Variants in RAB3B observed in about 807,000 individuals in gnomAD.
RAB3B encodes the protein ras-related protein Rab-3B.
RAB3B carries 11 observed loss-of-function variants against 20.5 expected under a neutral mutation model. The ratio of observed to expected loss-of-function variants is 0.54; its 90% CI spans 0.34 to 0.89. The LOEUF is 0.89. Ranked by LOEUF, RAB3B falls within the 40% of genes least tolerant of loss-of-function variation. RAB3B has a pLI of 0.02. For missense variants in RAB3B, 225 were observed against 280.9 expected, an observed-to-expected ratio of 0.80 and a Z score of 1.42; for synonymous variants, 99 against 106.3, an observed-to-expected ratio of 0.93 and a Z score of 0.42.
chr1:51,981,024 TTTTTATTTTA>T (rs950916409), intron 1 of RAB3B, among the ~76,000 whole-genome samples: 2 of 152,154 alleles, frequency 1.3e-5, no homozygotes, highest in Non-Finnish European at 2.9e-5. Context: ...ATTATTATTA[TTTTTATTTTA>T]TTTTATTTTA....
At chr1:51,921,536 T>C (rs1684172299) in intron 4 of RAB3B, among the ~76,000 whole-genome samples, 1 of 152,112 alleles carries the variant, frequency 6.6e-6, no homozygotes, top group Non-Finnish European at 1.5e-5. Flanking sequence ...TTTTTCCTGA[T>C]TATACCTTTT....
At chr1:51,989,086 C>T (rs1278504935) in intron 1 of RAB3B, among the ~76,000 whole-genome samples, 1 of 139,968 alleles carries the variant, frequency 7.1e-6, no homozygotes, top group African/African-American at 2.6e-5. Flanking sequence ...AACAGGTGGA[C>T]ACCCACCTGT....
rs1179893017 is a variant in RAB3B at position 51,937,538 on chromosome 1, C to T, written c.229-126G>A. The T allele has an allele frequency of 8.4e-5, 47 of 561,846 alleles. No homozygotes were observed. In the Admixed American group the frequency reaches 1.4e-3, roughly 17 times the overall value. The allele number at this position is 561,846 out of a possible 1,614,324, so 34.8% of individuals were successfully genotyped here. ...TTGAGATGGAGTTTTGCTCTTGTTG[C>T]CCAGGCTGGAGTGCCATGGCGCGAT... On this transcript the variant is annotated intron_variant, in intron 2 of 4. Coordinates refer to ENST00000371655, the MANE Select transcript of RAB3B (RefSeq NM_002867.4).
At chr1:51,954,704 A>T (rs998233044) in intron 2 of RAB3B, among the ~76,000 whole-genome samples, 6 of 152,250 alleles carry the variant, frequency 3.9e-5, no homozygotes, top group African/African-American at 1.4e-4. Context: ...GAAACAGCAC[A>T]GCATCTGGGG....
At chr1:51,980,084 A>G (rs901463281) in intron 1 of RAB3B, among the ~76,000 whole-genome samples, 11 of 151,938 alleles carry the variant, frequency 7.2e-5, no homozygotes, top group African/African-American at 2.7e-4. Context: ...CTCAGAAACT[A>G]TGGCTGTTAA....
chr1:51,953,634 C>G (rs959630487), intron 2 of RAB3B, among the ~76,000 whole-genome samples: 2 of 152,138 alleles, frequency 1.3e-5, no homozygotes, highest in African/African-American at 4.8e-5. Flanking sequence ...TAACACGTCT[C>G]TACTAAAAAT....
Position 51,962,479 on chromosome 1 carries a change from C to A in RAB3B, c.228+14411G>T, listed in dbSNP as rs113918760. 9.2e-3 allele frequency among the ~76,000 whole-genome samples: 1,399 copies of A among 152,348 alleles called. 9 individuals are homozygous for A. Among genetic ancestry groups the A allele is most frequent in the South Asian group, 0.029 (140 of 4,832 alleles). ...AAAAGGAAGCAGGGATCCTCCCACACACGCCACACAACCACTGTCTGTCCT... is the reference window on the plus strand; with the variant it reads ...AAAAGGAAGCAGGGATCCTCCCACAAACGCCACACAACCACTGTCTGTCCT... On this transcript the variant is annotated intron_variant, in intron 2 of 4. Coordinates refer to ENST00000371655, the MANE Select transcript of RAB3B (RefSeq NM_002867.4).
chr1:51,985,288 T>C (rs4282748), intron 1 of RAB3B, among the ~76,000 whole-genome samples: 1 of 152,192 alleles, frequency 6.6e-6, no homozygotes, highest in East Asian at 1.9e-4. Context: ...AATTAACTGT[T>C]TGCTCTCTCT....
At position 51,982,523 on chromosome 1, in the gene RAB3B, C is replaced by T. The variant is rs1305729894; in HGVS notation, c.1-5406G>A. On this transcript the variant is annotated intron_variant, in intron 1 of 4. Coordinates refer to ENST00000371655, the MANE Select transcript of RAB3B (RefSeq NM_002867.4). ...AACCCCAGACTTTGGGAGGCCGAGG[C>T]AGGCAGATCACTTAAGGTCAGGAGT... Among the ~76,000 whole-genome samples, 5 of 152,158 alleles carry T rather than the reference C, an allele frequency of 3.3e-5. No individual in the cohort carries two copies. The East Asian group carries it at 9.7e-4, about 29-fold the overall frequency.
intron 3 of RAB3B, among the ~76,000 whole-genome samples, chr1:51,934,273 C>T (rs1012213858): frequency 3.9e-5 from 6 of 152,066 alleles, no homozygotes; most frequent in African/African-American, 7.2e-5. Flanking sequence ...AGTCCTTCCC[C>T]ACAACTAACT....
chr1:51,954,957 G>A (rs186623322), intron 2 of RAB3B, among the ~76,000 whole-genome samples: 63 of 152,348 alleles, frequency 4.1e-4, no homozygotes, highest in African/African-American at 1.4e-3. Context: ...TCGTCCTGAC[G>A]AGAACAGAAA....
At chr1:51,989,130 CACAT>C (rs1246784832) in intron 1 of RAB3B, among the ~76,000 whole-genome samples, 2 of 150,608 alleles carry the variant, frequency 1.3e-5, no homozygotes, top group East Asian at 4.1e-4. Flanking sequence ...CACACACACA[CACAT>C]CCTCTCCTTT....
At chr1:51,956,715 C>T (rs1334667624) in intron 2 of RAB3B, among the ~76,000 whole-genome samples, 1 of 152,216 alleles carries the variant, frequency 6.6e-6, no homozygotes, top group Non-Finnish European at 1.5e-5. Flanking sequence ...TCAAATGCTT[C>T]CTCCTGTATG....
chr1:51,935,534 T>C (rs185686552), intron 3 of RAB3B, among the ~76,000 whole-genome samples: 4 of 152,136 alleles, frequency 2.6e-5, no homozygotes, highest in Admixed American at 2.6e-4. Flanking sequence ...CTTCCTCCCT[T>C]CTCCCACCCC....
chr1:51,959,714 A>G (rs918727424), intron 2 of RAB3B, among the ~76,000 whole-genome samples: 4 of 152,188 alleles, frequency 2.6e-5, no homozygotes, highest in African/African-American at 7.2e-5. Context: ...AAATCTAAGG[A>G]AAGTGGAATA....
At chr1:51,943,996 A>T (rs1557968101) in intron 2 of RAB3B, among the ~76,000 whole-genome samples, 1 of 152,212 alleles carries the variant, frequency 6.6e-6, no homozygotes, top group East Asian at 1.9e-4. Flanking sequence ...TGTAGACAAA[A>T]CAGCACTGGA....
At position 51,917,553 on chromosome 1, in the gene RAB3B, G is replaced by A. The variant is rs528818044; in HGVS notation, c.*2374C>T. The stretch of plus-strand genomic sequence containing the variant: ...GCTGACTCCTTTAAAAAAAAAAAGA[G>A]AGAAAGAGAGACAGAGAGACAGGGT... On this transcript the variant is annotated 3_prime_UTR_variant, in exon 5 of 5. Transcript: ENST00000371655. 6.6e-6 allele frequency: 1 copy of A among 151,894 alleles called. No homozygotes were observed. Among genetic ancestry groups the A allele is most frequent in the Non-Finnish European group, 1.5e-5 (1 of 67,960 alleles). The allele number at this position is 151,894 out of a possible 1,614,324, so 9.4% of individuals were successfully genotyped here.
intron 2 of RAB3B, among the ~76,000 whole-genome samples, chr1:51,961,333 A>T (rs1031649158): frequency 3.3e-5 from 5 of 152,186 alleles, no homozygotes; most frequent in African/African-American, 1.2e-4. Context: ...TTTGCAACAG[A>T]TAACACCTCC....
intron 2 of RAB3B, among the ~76,000 whole-genome samples, chr1:51,972,489 C>CTTTTTTTTTT (rs1160625371): frequency 2.3e-5 from 3 of 130,866 alleles, no homozygotes; most frequent in Non-Finnish European, 4.9e-5. Flanking sequence ...TTTCTTTTTT[C>CTTTTTTTTTT]TTTTTTTTTT....
Sources: gnomAD v4.1 joint callset for allele counts (sites outside exome capture counted in the v4.1 genomes callset) on GRCh38, gnomAD v4.1.1 for gene constraint, MANE v1.5 for transcripts, NCBI Gene and HGNC (gene_info 2026-07-23, HGNC 2026-07-21) for gene names.